SUZ12: variants seen among roughly 807,000 people sequenced by gnomAD.
SUZ12 encodes polycomb protein SUZ12.
Under a neutral mutation model 87.3 loss-of-function variants are expected in SUZ12, and 17 were observed. The observed-to-expected ratio is 0.19, with a 90% CI of 0.13 to 0.29. The LOEUF is 0.29. Ranked by LOEUF, SUZ12 falls within the 10% of genes least tolerant of loss-of-function variation. The probability of loss-of-function intolerance (pLI) is 1.00; values close to 1 mark genes in which losing one functional copy is unlikely to be tolerated. For missense variants in SUZ12, 526 were observed against 912.2 expected (o/e 0.58, Z 5.45); for synonymous variants, 253 against 312.4 (o/e 0.81, Z 2.01).
intron 4 of SUZ12, among the ~76,000 whole-genome samples, chr17:31,956,240 C>T (rs1907326647): frequency 6.6e-6 from 1 of 151,964 alleles, no homozygotes; most frequent in Non-Finnish European, 1.5e-5. Context: ...GAGAGGGAGT[C>T]TCACTCTGTC....
intron 5 of SUZ12, among the ~76,000 whole-genome samples, chr17:31,970,486 G>T (rs187330035): frequency 6.6e-6 from 1 of 152,106 alleles, no homozygotes; most frequent in Admixed American, 6.5e-5. Context: ...AAATTAGCTG[G>T]GAATGGTGTT....
At chr17:31,959,980 A>G (rs1907597155) in intron 4 of SUZ12, among the ~76,000 whole-genome samples, 1 of 152,180 alleles carries the variant, frequency 6.6e-6, no homozygotes, top group Admixed American at 6.5e-5. Context: ...CTTATATCTT[A>G]TTCTGGTCAT....
At chr17:31,962,157 C>A (rs56007805) in intron 4 of SUZ12, among the ~76,000 whole-genome samples, 1 of 152,006 alleles carries the variant, frequency 6.6e-6, no homozygotes, top group African/African-American at 2.4e-5. Context: ...CAAGCCTGAC[C>A]AGGCACAGTG....
At chr17:31,988,705 G>C (rs1306077502) in intron 10 of SUZ12, among the ~76,000 whole-genome samples, 1 of 150,986 alleles carries the variant, frequency 6.6e-6, no homozygotes, top group Non-Finnish European at 1.5e-5. Flanking sequence ...TGATTCTCCT[G>C]ACTCAGCCTC....
chr17:31,999,780 GT>G lies in SUZ12; in HGVS notation c.*782del. On this transcript the variant is annotated 3_prime_UTR_variant, in exon 16 of 16. Coordinates refer to ENST00000322652, the MANE Select transcript of SUZ12 (RefSeq NM_015355.4). ...TTAACTTGAACATTTTGCTTGTTTT[GT>G]TTTTCTTTTTTAATTAGATAATCAC... 1 of 230,370 alleles carries G rather than the reference GT, an allele frequency of 4.3e-6. No homozygotes were observed. Among genetic ancestry groups the G allele is most frequent in the Non-Finnish European group, 8.5e-6 (1 of 116,994 alleles). The allele number at this position is 230,370 out of a possible 1,614,324, so 14.3% of individuals were successfully genotyped here.
rs985861851 is a variant in SUZ12 at position 31,999,562 on chromosome 17, T to C, written c.*559T>C. ...TTTGTCAATTCGGAATGAAAAATTA[T>C]AATGTAATTTTACATTACATAAGTT... On this transcript the variant is annotated 3_prime_UTR_variant, in exon 16 of 16. Transcript: ENST00000322652. The C allele has an allele frequency of 4.3e-5, 10 of 231,188 alleles. No homozygotes were observed. Among genetic ancestry groups the C allele is most frequent in the African/African-American group, 1.8e-4 (8 of 45,282 alleles). The allele number at this position is 231,188 out of a possible 1,614,324, so 14.3% of individuals were successfully genotyped here.
Position 31,988,531 on chromosome 17 carries a change from A to G in SUZ12, c.1201+34A>G. 1.9e-6 allele frequency: 3 copies of G among 1,558,978 alleles called. No homozygotes were observed. The South Asian group carries it at 3.6e-5, about 19-fold the overall frequency. ...ACATTGCAATCAAAATAATAAAATAATGGTTTGCAGAGTTAGGTCTTGTGC... is the reference window on the plus strand; with the variant it reads ...ACATTGCAATCAAAATAATAAAATAGTGGTTTGCAGAGTTAGGTCTTGTGC... On this transcript the variant is annotated intron_variant, in intron 10 of 15. Coordinates refer to ENST00000322652, the MANE Select transcript of SUZ12 (RefSeq NM_015355.4).
chr17:31,947,549 C>T, intron 3 of SUZ12, 68 bp from the exon 4 acceptor site: 1 of 1,537,366 alleles, frequency 6.5e-7, no homozygotes, highest in Non-Finnish European at 8.8e-7. Context: ...ATTAGAGTGA[C>T]AATAAAGTAT....
At chr17:31,961,246 A>C (rs896548406) in intron 4 of SUZ12, among the ~76,000 whole-genome samples, 5 of 151,320 alleles carry the variant, frequency 3.3e-5, no homozygotes, top group African/African-American at 4.9e-5. Context: ...ACAAAGAAAC[A>C]CTAGTATGAT....
At chr17:31,972,907 T>TA (rs1908523726) in intron 5 of SUZ12, among the ~76,000 whole-genome samples, 1 of 148,932 alleles carries the variant, frequency 6.7e-6, no homozygotes, top group Admixed American at 6.8e-5. Flanking sequence ...AAAAAAAAAT[T>TA]ACAGCATATA....
intron 4 of SUZ12, among the ~76,000 whole-genome samples, chr17:31,954,670 G>A (rs570228955): frequency 6.6e-6 from 1 of 152,126 alleles, no homozygotes; most frequent in Non-Finnish European, 1.5e-5. Context: ...TATAAAACAG[G>A]AGAACCAGCT....
intron 11 of SUZ12, 22 bp from the exon 12 acceptor site, chr17:31,993,843 T>C (rs1434927620): frequency 1.9e-6 from 3 of 1,563,350 alleles, no homozygotes; most frequent in Non-Finnish European, 2.6e-6. Context: ...GAGATTTGCT[T>C]TTTTTTTTTA....
chr17:31,945,061 C>CAAAA (rs34314619), intron 3 of SUZ12, among the ~76,000 whole-genome samples: 2 of 79,274 alleles, frequency 2.5e-5, no homozygotes, highest in Non-Finnish European at 5.0e-5. Context: ...GATGGTGTCT[C>CAAAA]AAAAAAAAAA....
chr17:31,941,374 A>G (rs1906270477), intron 3 of SUZ12, among the ~76,000 whole-genome samples: 1 of 151,668 alleles, frequency 6.6e-6, no homozygotes, highest in African/African-American at 2.4e-5. Context: ...CTCCTGCCTC[A>G]GCTTCCCAAG....
At chr17:31,958,490 A>G (rs1329470284) in intron 4 of SUZ12, among the ~76,000 whole-genome samples, 2 of 152,092 alleles carry the variant, frequency 1.3e-5, no homozygotes, top group Non-Finnish European at 2.9e-5. Context: ...CAGGTGGTTC[A>G]CTTGAGGTGA....
At chr17:31,962,110 G>A (rs1180103836) in intron 4 of SUZ12, among the ~76,000 whole-genome samples, 3 of 152,274 alleles carry the variant, frequency 2.0e-5, no homozygotes, top group Non-Finnish European at 4.4e-5. Flanking sequence ...TGTAGAAGAG[G>A]GAGAGAGTAT....
At chr17:31,964,546 A>G (rs1353018528) in intron 4 of SUZ12, among the ~76,000 whole-genome samples, 2 of 151,890 alleles carry the variant, frequency 1.3e-5, no homozygotes, top group Non-Finnish European at 2.9e-5. Context: ...AGCTGAGACT[A>G]CAGCCATGTG....
intron 1 of SUZ12, 43 bp downstream of exon 1, chr17:31,937,563 C>A: frequency 1.3e-6 from 2 of 1,527,894 alleles, no homozygotes; most frequent in Non-Finnish European, 1.7e-6. Context: ...ACCCACTCTG[C>A]CAACACCGGG....
intron 9 of SUZ12, among the ~76,000 whole-genome samples, 170 bp downstream of exon 9, chr17:31,983,274 C>CTTTTTTTTTTT (rs10681815): frequency 8.5e-6 from 1 of 118,200 alleles, no homozygotes; most frequent in African/African-American, 3.3e-5. Flanking sequence ...AGGTATCATT[C>CTTTTTTTTTTT]TTTTTTTTTT....
Sources: gnomAD v4.1 joint callset for allele counts (sites outside exome capture counted in the v4.1 genomes callset) on GRCh38, gnomAD v4.1.1 for gene constraint, MANE v1.5 for transcripts, NCBI Gene and HGNC (gene_info 2026-07-23, HGNC 2026-07-21) for gene names.